CRACDL: variants seen among roughly 807,000 people sequenced by gnomAD.
CRACDL encodes the protein CRACD-like protein.
Under a neutral mutation model 70.6 loss-of-function variants are expected in CRACDL, and 26 were observed. The observed-to-expected ratio is 0.37, with a 90% CI of 0.27 to 0.51. The LOEUF (loss-of-function observed/expected upper bound fraction) is 0.51. CRACDL is among the 20% of genes least tolerant of loss of function. CRACDL has a pLI of 0.94. For missense variants in CRACDL, 1,283 were observed against 1,376.9 expected (o/e 0.93, Z 1.08); for synonymous variants, 618 against 615.2 (o/e 1.00, Z -0.07).
chr2:98,873,270 G>A (rs867111224), intron 1 of CRACDL, among the ~76,000 whole-genome samples: 11 of 152,156 alleles, frequency 7.2e-5, no homozygotes, highest in Non-Finnish European at 1.5e-4. Context: ...CTTTTGCACC[G>A]GCTCCCTTGT....
At chr2:98,832,202 A>C (rs1705570382) in intron 5 of CRACDL, 146 bp downstream of exon 5, 2 of 809,790 alleles carry the variant, frequency 2.5e-6, no homozygotes, top group South Asian at 3.0e-5. Flanking sequence ...ACACAGCTCA[A>C]GGGCTGATTG....
intron 5 of CRACDL, among the ~76,000 whole-genome samples, chr2:98,830,884 G>C: frequency 6.6e-6 from 1 of 152,180 alleles, no homozygotes; most frequent in East Asian, 1.9e-4. Context: ...GGGATGCTGT[G>C]AGAGTCAGAG....
Position 98,795,075 on chromosome 2 carries a change from A to ATTTTTTTTT in CRACDL, c.2750-405_2750-404insAAAAAAAAA, listed in dbSNP as rs1310155610. Among the ~76,000 whole-genome samples the ATTTTTTTTT allele has an allele frequency of 0.01, 250 of 24,456 alleles. 25 individuals carry two copies. In the East Asian group the frequency reaches 0.11, roughly 11 times the overall value. 16.0% of individuals were successfully genotyped at this position (24,456 alleles called of 152,430 possible). The stretch of plus-strand genomic sequence containing the variant: ...TATATATATATATATATATATATAT[A>ATTTTTTTTT]TATTTTTTTTTTTTTTTGAGACAGA... On this transcript the variant is annotated intron_variant, in intron 9 of 9. Transcript: ENST00000397899.
chr2:98,831,200 G>T (rs1040926561), intron 5 of CRACDL, among the ~76,000 whole-genome samples: 1 of 152,108 alleles, frequency 6.6e-6, no homozygotes, highest in African/African-American at 2.4e-5. Context: ...GGACAGCTTC[G>T]CCCCAGAGCA....
chr2:98,823,991 C>T lies in CRACDL; in HGVS notation c.736-454G>A, dbSNP rs61575518. ...GTTCAAGCCTGGGCAAGCAGGTGGC[C>T]GAGCTGAACAGCTGGGACTCTATGG... On this transcript the variant is annotated intron_variant, in intron 6 of 9. Coordinates refer to ENST00000397899, the MANE Select transcript of CRACDL (RefSeq NM_207362.3). This position sits in a 1 kb window ranked among gnomAD's most constrained non-coding sequence, Gnocchi z 4.0. Among the ~76,000 whole-genome samples, 651 of 152,250 alleles carry T rather than the reference C, an allele frequency of 4.3e-3. 4 individuals are homozygous for T. The highest frequency in any genetic ancestry group is 0.015 in the African/African-American group (632 of 41,532).
At chr2:98,803,238 G>A (rs1271324832) in intron 7 of CRACDL, among the ~76,000 whole-genome samples, 2 of 152,076 alleles carry the variant, frequency 1.3e-5, no homozygotes, top group African/African-American at 4.8e-5. Context: ...TTGACCTCGT[G>A]ATCCACCCGC....
chr2:98,796,378 A>AT, intron 8 of CRACDL, 114 bp from the exon 9 acceptor site: 1 of 1,109,872 alleles, frequency 9.0e-7, no homozygotes. Flanking sequence ...CACTGCTGGC[A>AT]CTTTCTCGGG....
chr2:98,894,793 C>T (rs998044248), intron 1 of CRACDL, among the ~76,000 whole-genome samples: 26 of 152,100 alleles, frequency 1.7e-4, no homozygotes, highest in Admixed American at 1.6e-3. Context: ...GTGACCTGCA[C>T]CTAGATGTCA....
At chr2:98,872,441 A>G (rs896195844) in intron 1 of CRACDL, among the ~76,000 whole-genome samples, 3 of 152,204 alleles carry the variant, frequency 2.0e-5, no homozygotes, top group African/African-American at 7.2e-5. Context: ...TGGAAACAAT[A>G]GACAATGGGG....
At chr2:98,927,096 G>A (rs1708925085) in intron 1 of CRACDL, among the ~76,000 whole-genome samples, 1 of 152,252 alleles carries the variant, frequency 6.6e-6, no homozygotes. Flanking sequence ...AGACAGCAGG[G>A]AGGGAGGCTT....
chr2:98,887,398 G>A (rs1707828344), intron 1 of CRACDL, among the ~76,000 whole-genome samples: 1 of 152,096 alleles, frequency 6.6e-6, no homozygotes. Context: ...TGAGGCAGAG[G>A]ATTTGCTTGG....
At chr2:98,889,285 G>GAAAGAAAGAA (rs1350102603) in intron 1 of CRACDL, among the ~76,000 whole-genome samples, 8 of 140,968 alleles carry the variant, frequency 5.7e-5, no homozygotes, top group Non-Finnish European at 9.3e-5. Context: ...GAAAAAGAGA[G>GAAAGAAAGAA]AGAAAGAAAG....
intron 5 of CRACDL, among the ~76,000 whole-genome samples, chr2:98,828,617 GAAC>G (rs1705414273): frequency 1.3e-5 from 2 of 152,124 alleles, no homozygotes; most frequent in African/African-American, 4.8e-5. Flanking sequence ...GATACGGGAG[GAAC>G]AACCTCTTCT....
At chr2:98,860,884 A>G (rs537949563) in intron 1 of CRACDL, among the ~76,000 whole-genome samples, 3 of 152,200 alleles carry the variant, frequency 2.0e-5, no homozygotes, top group Non-Finnish European at 4.4e-5. Flanking sequence ...CAGAACATGG[A>G]AAGAATTCTT....
intron 1 of CRACDL, among the ~76,000 whole-genome samples, chr2:98,931,186 G>A (rs942834066): frequency 6.6e-6 from 1 of 152,064 alleles, no homozygotes; most frequent in Non-Finnish European, 1.5e-5. Flanking sequence ...TTTGCCAGGT[G>A]TGGTGACAGG....
chr2:98,804,972 A>G (rs1704225349), intron 7 of CRACDL, among the ~76,000 whole-genome samples: 2 of 152,158 alleles, frequency 1.3e-5, no homozygotes, highest in Non-Finnish European at 2.9e-5. Context: ...GTGGGTGCCC[A>G]CTAGGTGCCA....
chr2:98,799,734 T>G (rs1703993787), intron 7 of CRACDL, among the ~76,000 whole-genome samples: 1 of 152,068 alleles, frequency 6.6e-6, no homozygotes, highest in South Asian at 2.1e-4. Context: ...CAGCCACGAG[T>G]TGACACCACT....
chr2:98,890,441 C>A (rs1226774126), intron 1 of CRACDL, among the ~76,000 whole-genome samples: 1 of 152,062 alleles, frequency 6.6e-6, no homozygotes, highest in East Asian at 1.9e-4. Flanking sequence ...CCAAAACTGA[C>A]TAAAGAAGGA....
At chr2:98,812,591 C>T (rs1575334489) in intron 7 of CRACDL, among the ~76,000 whole-genome samples, 1 of 152,022 alleles carries the variant, frequency 6.6e-6, no homozygotes, top group African/African-American at 2.4e-5. Context: ...TTTTGTGTTT[C>T]CCTAATGGCT....
Sources: allele counts gnomAD v4.1 joint callset (sites outside exome capture counted in the v4.1 genomes callset), GRCh38; gene constraint gnomAD v4.1.1; non-coding constraint Gnocchi (gnomAD v3.1); transcripts MANE v1.5; gene names NCBI Gene and HGNC (gene_info 2026-07-23, HGNC 2026-07-21).